CCDC3: variants seen among roughly 807,000 people sequenced by gnomAD.
The protein encoded by CCDC3 is coiled-coil domain containing 3.
In CCDC3, 24 loss-of-function variants were observed where a neutral mutation model predicts 21.4. The ratio of observed to expected loss-of-function variants is 1.12; its 90% CI spans 0.81 to 1.58. The LOEUF (loss-of-function observed/expected upper bound fraction) is 1.58, where lower values mean the gene tolerates loss of function less well. Ranked by LOEUF, CCDC3 falls within the 40% of genes most tolerant of loss-of-function variation. The pLI is 0.00. For synonymous variants in CCDC3, 186 were observed against 166.0 expected, an observed-to-expected ratio of 1.12 and a Z score of -0.93; for missense variants, 425 against 360.9, an observed-to-expected ratio of 1.18 and a Z score of -1.44.
intron 5 of CCDC3, among the ~76,000 whole-genome samples, chr10:13,045,125 C>T (rs753832274): frequency 6.6e-6 from 1 of 152,192 alleles, no homozygotes. Flanking sequence ...TTCCATTCTA[C>T]TTTCCCTACA....
chr10:12,998,961 T>G (rs1456688230), intron 1 of CCDC3, among the ~76,000 whole-genome samples: 2 of 152,186 alleles, frequency 1.3e-5, no homozygotes, highest in Non-Finnish European at 2.9e-5. Flanking sequence ...TAGTACTGGC[T>G]AGGTGCGGTG....
At chr10:13,022,830 G>A (rs1836163982) in intron 5 of CCDC3, among the ~76,000 whole-genome samples, 1 of 152,180 alleles carries the variant, frequency 6.6e-6, no homozygotes, top group Non-Finnish European at 1.5e-5. Context: ...TACTGTGAAA[G>A]AAATTATAAA....
chr10:13,048,159 C>T (rs904560538), intron 5 of CCDC3, among the ~76,000 whole-genome samples: 26 of 152,072 alleles, frequency 1.7e-4, no homozygotes, highest in African/African-American at 6.3e-4. Flanking sequence ...CTGCTTTAAG[C>T]TTAATTTTTT....
intron 1 of CCDC3, among the ~76,000 whole-genome samples, chr10:12,999,201 T>C (rs1056100892): frequency 5.3e-5 from 8 of 152,072 alleles, no homozygotes; most frequent in Non-Finnish European, 1.0e-4. Context: ...GATTGCACCA[T>C]TGCACTCCAG....
intron 4 of CCDC3, chr10:13,058,242 A>C (rs1262324486): frequency 1.2e-5 from 16 of 1,352,066 alleles, no homozygotes; most frequent in Non-Finnish European, 1.6e-5. Context: ...CCTGCATCCA[A>C]ATAGCAGGTA....
intron 2 of CCDC3, among the ~76,000 whole-genome samples, chr10:12,906,430 T>A (rs1317111030): frequency 6.6e-6 from 1 of 152,112 alleles, no homozygotes; most frequent in Non-Finnish European, 1.5e-5. Context: ...TTCCTTTCCA[T>A]GAGGCAGCAC....
chr10:12,996,639 T>C (rs529110758), intron 2 of CCDC3, among the ~76,000 whole-genome samples: 1 of 152,278 alleles, frequency 6.6e-6, no homozygotes, highest in Non-Finnish European at 1.5e-5. Context: ...GAAGAAATCC[T>C]TTCCCTTAGT....
At chr10:13,087,824 G>A (rs1202643029) in intron 3 of CCDC3, among the ~76,000 whole-genome samples, 2 of 151,854 alleles carry the variant, frequency 1.3e-5, no homozygotes, top group African/African-American at 4.8e-5. Context: ...CTTTTCTACA[G>A]CCTGAAGGTA....
At chr10:13,055,890 A>G (rs1836675363) in intron 4 of CCDC3, among the ~76,000 whole-genome samples, 1 of 152,174 alleles carries the variant, frequency 6.6e-6, no homozygotes. Flanking sequence ...TTTGCCTGCT[A>G]AAACAATTGG....
At chr10:12,913,238 A>G (rs1834298000) in intron 2 of CCDC3, among the ~76,000 whole-genome samples, 1 of 152,168 alleles carries the variant, frequency 6.6e-6, no homozygotes, top group South Asian at 2.1e-4. Flanking sequence ...CTTCCCATTT[A>G]TTTGTATCTT....
intron 2 of CCDC3, among the ~76,000 whole-genome samples, chr10:12,986,104 A>C (rs1002183104): frequency 2.0e-5 from 3 of 152,192 alleles, no homozygotes; most frequent in African/African-American, 7.2e-5. Context: ...CCTGGCCTCG[A>C]GTTTTACACA....
At chr10:12,990,789 A>G (rs889730763) in intron 2 of CCDC3, among the ~76,000 whole-genome samples, 2 of 152,216 alleles carry the variant, frequency 1.3e-5, no homozygotes, top group African/African-American at 4.8e-5. Flanking sequence ...CAAATGGTCA[A>G]TGCGTCATGT....
At chr10:13,034,547 A>T (rs981333697) in intron 5 of CCDC3, among the ~76,000 whole-genome samples, 1 of 151,436 alleles carries the variant, frequency 6.6e-6, no homozygotes, top group African/African-American at 2.4e-5. Flanking sequence ...AAAAATGGGT[A>T]CATTTTTCCA....
upstream of CCDC3, among the ~76,000 whole-genome samples, chr10:13,005,301 T>A (rs376627191): frequency 1.3e-3 from 201 of 152,316 alleles, 1 homozygote; most frequent in African/African-American, 4.7e-3. Flanking sequence ...ATAAACCATA[T>A]GAGTGGAAGA....
chr10:13,089,619 C>G lies in CCDC3; in HGVS notation c.-503+8906G>C, dbSNP rs140388410. ...TCCTCTCCAACTTTTTATTTTCTTT[C>G]AGCACCCCCCCTTAAATTGGAGGAA... On this transcript the variant is annotated intron_variant, in intron 3 of 6. Coordinates refer to the CCDC3 transcript ENST00000378839. Among the ~76,000 whole-genome samples the G allele has an allele frequency of 1.3e-3, 204 of 152,180 alleles. 1 individual carries two copies. The highest frequency in any genetic ancestry group is 4.5e-3 in the African/African-American group (187 of 41,502).
chr10:12,917,530 C>T (rs1251281430), intron 2 of CCDC3, among the ~76,000 whole-genome samples: 3 of 152,250 alleles, frequency 2.0e-5, no homozygotes, highest in South Asian at 4.1e-4. Context: ...CATTGAGATA[C>T]TGTGATCTCT....
At chr10:12,960,669 C>A (rs182742373) in intron 2 of CCDC3, among the ~76,000 whole-genome samples, 1 of 152,162 alleles carries the variant, frequency 6.6e-6, no homozygotes, top group East Asian at 1.9e-4. Flanking sequence ...TCGGGAGAGG[C>A]GAGAAATGTG....
intron 2 of CCDC3, among the ~76,000 whole-genome samples, chr10:12,900,008 A>T (rs1285110494): frequency 6.6e-6 from 1 of 152,176 alleles, no homozygotes; most frequent in Non-Finnish European, 1.5e-5. Flanking sequence ...TTCTTCTAAT[A>T]GTGAATAAGT....
At chr10:13,006,113 G>A (rs556551629), upstream of CCDC3, among the ~76,000 whole-genome samples, 6 of 152,206 alleles carry the variant, frequency 3.9e-5, no homozygotes, top group Non-Finnish European at 5.9e-5. Flanking sequence ...TGTCATCCAT[G>A]AGGTAATCCA....
Sources: allele counts gnomAD v4.1 joint callset (sites outside exome capture counted in the v4.1 genomes callset), GRCh38; gene constraint gnomAD v4.1.1; transcripts MANE v1.5; gene names NCBI Gene and HGNC (gene_info 2026-07-23, HGNC 2026-07-21).